The following UST variants were observed in gnomAD, a reference collection of about 807,000 sequenced individuals.
The protein encoded by UST is chondroitin sulfate 2-O-sulfotransferase.
Under a neutral mutation model 45.6 loss-of-function variants are expected in UST, and 21 were observed. The ratio of observed to expected loss-of-function variants is 0.46; its 90% CI spans 0.33 to 0.66. UST has a LOEUF of 0.66. Ranked by LOEUF, UST falls within the 30% of genes least tolerant of loss-of-function variation. UST has a pLI of 0.02. For missense variants in UST, 463 were observed against 512.4 expected (o/e 0.90, Z 0.93); for synonymous variants, 215 against 200.6 (o/e 1.07, Z -0.61).
intron 2 of UST, among the ~76,000 whole-genome samples, chr6:148,893,763 C>T (rs1225744801): frequency 6.6e-6 from 1 of 152,306 alleles, no homozygotes; most frequent in South Asian, 2.1e-4. Context: ...GATGAGGATG[C>T]ACACTCAACA....
At chr6:148,988,037 G>T (rs1781268536) in intron 5 of UST, among the ~76,000 whole-genome samples, 1 of 151,974 alleles carries the variant, frequency 6.6e-6, no homozygotes, top group Non-Finnish European at 1.5e-5. Flanking sequence ...CCAGAGGTGT[G>T]GGGAGCTCGT....
At chr6:149,057,001 C>T (rs1189942720) in intron 7 of UST, among the ~76,000 whole-genome samples, 1 of 152,170 alleles carries the variant, frequency 6.6e-6, no homozygotes, top group Non-Finnish European at 1.5e-5. Flanking sequence ...AGAGAACATC[C>T]AGGTTGTTGG....
At chr6:148,837,996 T>C (rs1241546153) in intron 1 of UST, among the ~76,000 whole-genome samples, 1 of 152,242 alleles carries the variant, frequency 6.6e-6, no homozygotes, top group African/African-American at 2.4e-5. Context: ...TCCCTCTTCT[T>C]ATGGAACTTA....
intron 1 of UST, among the ~76,000 whole-genome samples, chr6:148,782,771 A>T (rs530034203): frequency 2.1e-4 from 32 of 152,290 alleles, no homozygotes; most frequent in Middle Eastern, 3.4e-3. Flanking sequence ...TCTTATGGAT[A>T]AGCCAAAAAA....
At position 148,896,562 on chromosome 6, in the gene UST, G is replaced by T. The variant is rs535337951; in HGVS notation, c.291+9533G>T. The stretch of plus-strand genomic sequence containing the variant: ...AAAAACAAAGAACTGGCGTTCTCAA[G>T]AAGTTTATAATACTTTCTTATTTTT... On this transcript the variant is annotated intron_variant, in intron 2 of 7. Transcript: ENST00000367463. Among the ~76,000 whole-genome samples the T allele has an allele frequency of 3.9e-5, 6 of 152,306 alleles. No homozygotes were observed. The South Asian group carries it at 1.2e-3, about 32-fold the overall frequency.
At chr6:149,011,300 T>A (rs764930480) in intron 5 of UST, among the ~76,000 whole-genome samples, 7 of 152,142 alleles carry the variant, frequency 4.6e-5, no homozygotes, top group Non-Finnish European at 7.4e-5. Flanking sequence ...GAAGATTGGT[T>A]GCCAGAGACT....
At chr6:148,756,783 G>A (rs2114649985) in intron 1 of UST, among the ~76,000 whole-genome samples, 1 of 152,318 alleles carries the variant, frequency 6.6e-6, no homozygotes, top group Admixed American at 6.5e-5. Context: ...TCTCTTCTGG[G>A]TGCTCCACAC....
chr6:149,011,162 A>T (rs1173178016), intron 5 of UST, among the ~76,000 whole-genome samples: 2 of 152,210 alleles, frequency 1.3e-5, no homozygotes, highest in Admixed American at 1.3e-4. Flanking sequence ...CGTGGAGGTC[A>T]TGTTGAATGG....
At position 148,871,798 on chromosome 6, in the gene UST, G is replaced by A. The variant is rs767895431; in HGVS notation, c.248-15188G>A. 8.3e-4 allele frequency among the ~76,000 whole-genome samples: 127 copies of A among 152,154 alleles called. 2 individuals are homozygous for A. The highest frequency in any genetic ancestry group is 2.5e-4 in the Non-Finnish European group (17 of 68,020). ...GAGAAACCCACTCACTCCAATTCAG[G>A]TTTGGAGAGTAAGCTAGGTAAGCAA... On this transcript the variant is annotated intron_variant, in intron 1 of 7. Transcript: ENST00000367463.
chr6:148,799,131 A>C (rs1252862660), intron 1 of UST, among the ~76,000 whole-genome samples: 1 of 152,100 alleles, frequency 6.6e-6, no homozygotes, highest in Non-Finnish European at 1.5e-5. Context: ...TGGCCTCCCA[A>C]AGTGCTGGGA....
chr6:148,864,828 G>A (rs1778395409), intron 1 of UST, among the ~76,000 whole-genome samples: 1 of 152,206 alleles, frequency 6.6e-6, no homozygotes, highest in Non-Finnish European at 1.5e-5. Context: ...AGGGCATTGA[G>A]ATGGTTTTCT....
In UST at chr6:148,765,747, AT is replaced by A. The variant is rs368339890; in HGVS notation, c.247+18072del. On this transcript the variant is annotated intron_variant, in intron 1 of 7. Transcript: ENST00000367463. Reference sequence around the variant, plus strand: ...GACAGGCATAAGAAATTATAAAAGTATTAATTTGGGGAACTAATACATGTCC... The same window carrying A: ...GACAGGCATAAGAAATTATAAAAGTATAATTTGGGGAACTAATACATGTCC... Among the ~76,000 whole-genome samples, 33 of 150,212 alleles carry A rather than the reference AT, an allele frequency of 2.2e-4. No homozygotes were observed. In the South Asian group the frequency reaches 6.8e-3, roughly 31 times the overall value.
intron 1 of UST, among the ~76,000 whole-genome samples, chr6:148,803,253 CCTT>C (rs1777084622): frequency 1.3e-5 from 2 of 152,268 alleles, no homozygotes; most frequent in South Asian, 4.2e-4. Flanking sequence ...TTTCTACTCT[CCTT>C]CTTGGAAAAG....
chr6:148,876,635 T>A (rs1778656831), intron 1 of UST, among the ~76,000 whole-genome samples: 1 of 152,106 alleles, frequency 6.6e-6, no homozygotes, highest in Non-Finnish European at 1.5e-5. Context: ...CTTTTCACCA[T>A]CCCTCTTGCA....
intron 7 of UST, among the ~76,000 whole-genome samples, chr6:149,025,190 T>G (rs1212279111): frequency 1.3e-5 from 2 of 152,216 alleles, no homozygotes; most frequent in Non-Finnish European, 2.9e-5. Context: ...TTTAGACAGG[T>G]TAATAACCTT....
intron 4 of UST, among the ~76,000 whole-genome samples, chr6:148,956,772 C>T (rs1215182424): frequency 6.6e-6 from 1 of 152,214 alleles, no homozygotes; most frequent in Non-Finnish European, 1.5e-5. Context: ...CTTCTCTCTT[C>T]TATACACTAC....
intron 2 of UST, among the ~76,000 whole-genome samples, chr6:148,922,213 A>G (rs62426120): frequency 6.6e-6 from 1 of 152,120 alleles, no homozygotes; most frequent in African/African-American, 2.4e-5. Flanking sequence ...TGTCACTCCA[A>G]AAAGAAACCC....
rs60990121 is a variant in UST at position 148,946,813 on chromosome 6, C to CAA, written c.447+5407_447+5408dup. 5.1e-3 allele frequency among the ~76,000 whole-genome samples: 287 copies of CAA among 56,822 alleles called. 29 individuals are homozygous for CAA. Among genetic ancestry groups the CAA allele is most frequent in the African/African-American group, 0.014 (146 of 10,176 alleles). 37.3% of individuals were successfully genotyped at this position (56,822 alleles called of 152,430 possible). A position where few individuals can be genotyped will look rare whatever the true frequency, so the allele number is the denominator to read the frequency against. ...TGGGCGACAGAGCGAGACTCCATCCCAAAAAAAAAAAAAAAAAAAAAAAAA... is the reference window on the plus strand; with the variant it reads ...TGGGCGACAGAGCGAGACTCCATCCCAAAAAAAAAAAAAAAAAAAAAAAAAAA... On this transcript the variant is annotated intron_variant, in intron 3 of 7. Transcript: ENST00000367463.
chr6:148,778,414 C>T (rs1319528908), intron 1 of UST, among the ~76,000 whole-genome samples: 1 of 152,132 alleles, frequency 6.6e-6, no homozygotes, highest in Non-Finnish European at 1.5e-5. Context: ...GACTGAAAGT[C>T]CTGAGTGAGG....
Sources: gnomAD v4.1 joint callset for allele counts (sites outside exome capture counted in the v4.1 genomes callset) on GRCh38, gnomAD v4.1.1 for gene constraint, MANE v1.5 for transcripts, NCBI Gene and HGNC (gene_info 2026-07-23, HGNC 2026-07-21) for gene names.